LMBRD1: variants seen among roughly 807,000 people sequenced by gnomAD.
The protein encoded by LMBRD1 is LMBR1 domain containing 1, also known as lysosomal cobalamin transport escort protein LMBD1.
LMBRD1 carries 64 observed loss-of-function variants against 74.8 expected under a neutral mutation model. The observed-to-expected ratio is 0.86, with a 90% CI of 0.70 to 1.05. The LOEUF is 1.05. Ranked by LOEUF, LMBRD1 falls within the 50% of genes least tolerant of loss-of-function variation. The pLI, the probability that LMBRD1 is intolerant of heterozygous loss-of-function variation, is 0.00. For missense variants in LMBRD1, 652 were observed against 645.9 expected (o/e 1.01, Z -0.10); for synonymous variants, 204 against 216.3 (o/e 0.94, Z 0.50).
chr6:69,780,537 A>G lies in LMBRD1; in HGVS notation c.264T>C (p.Asn88=). Residue 88 remains asparagine (N), a synonymous_variant, in exon 3 of 16, where the codon AAT becomes AAC. Coordinates refer to ENST00000649934, the MANE Select transcript of LMBRD1 (RefSeq NM_018368.4). ...CAGTGTCCTCAATCTGTCTGCTGACATTAGCATTAGCCCAGTCCTAGGATA... is the reference window on the plus strand; with the variant it reads ...CAGTGTCCTCAATCTGTCTGCTGACGTTAGCATTAGCCCAGTCCTAGGATA... The part of the protein sequence containing the change: ...NGTFKDWANA[N]VSRQIEDTVL... 1.9e-6 allele frequency: 3 copies of G among 1,607,304 alleles called. No homozygotes were observed. The African/African-American group carries it at 4.0e-5, about 21-fold the overall frequency.
At chr6:69,739,805 T>C (rs1767059211) in intron 6 of LMBRD1, among the ~76,000 whole-genome samples, 1 of 152,134 alleles carries the variant, frequency 6.6e-6, no homozygotes, top group Non-Finnish European at 1.5e-5. Flanking sequence ...ATAAAGCATT[T>C]TTTTTAAAAA....
At chr6:69,697,690 C>T (rs781748129) in intron 13 of LMBRD1, 49 bp from the exon 14 acceptor site, 2 of 1,118,990 alleles carry the variant, frequency 1.8e-6, no homozygotes, top group Admixed American at 3.4e-5. Context: ...TTAATAAATA[C>T]ATTTGGATTT....
At chr6:69,786,253 A>T (rs1765942561) in intron 2 of LMBRD1, among the ~76,000 whole-genome samples, 2 of 152,304 alleles carry the variant, frequency 1.3e-5, no homozygotes, top group Middle Eastern at 3.4e-3. Flanking sequence ...AAAGAGCACA[A>T]AGTTCTAAGA....
chr6:69,780,323 C>G (rs893136783), intron 3 of LMBRD1, among the ~76,000 whole-genome samples, 171 bp downstream of exon 3: 1 of 152,018 alleles, frequency 6.6e-6, no homozygotes, highest in South Asian at 2.1e-4. Context: ...TTTCTTCCCC[C>G]TTCTTTCTTG....
intron 14 of LMBRD1, among the ~76,000 whole-genome samples, chr6:69,696,473 A>G (rs1406249424): frequency 6.6e-6 from 1 of 152,114 alleles, no homozygotes; most frequent in Non-Finnish European, 1.5e-5. Flanking sequence ...AAAGCCTTTT[A>G]TGATATGACT....
intron 3 of LMBRD1, among the ~76,000 whole-genome samples, chr6:69,777,854 GT>G (rs1314642032): frequency 1.3e-5 from 2 of 152,196 alleles, no homozygotes; most frequent in African/African-American, 4.8e-5. Context: ...TAAAAACTGT[GT>G]TTTCTGTTTG....
intron 7 of LMBRD1, among the ~76,000 whole-genome samples, chr6:69,730,235 G>T (rs1766826605): frequency 6.6e-6 from 1 of 151,852 alleles, no homozygotes; most frequent in East Asian, 1.9e-4. Context: ...AGTTTAGAAG[G>T]GCACGTTTTC....
chr6:69,731,817 T>C (rs1415207769), intron 7 of LMBRD1, among the ~76,000 whole-genome samples: 3 of 151,802 alleles, frequency 2.0e-5, no homozygotes, highest in African/African-American at 7.3e-5. Flanking sequence ...TCAAAAACCA[T>C]CTGTGTCGTA....
chr6:69,768,754 A>G (rs1433738348), intron 3 of LMBRD1, among the ~76,000 whole-genome samples: 2 of 152,058 alleles, frequency 1.3e-5, no homozygotes, highest in Admixed American at 6.6e-5. Flanking sequence ...TTCTTGTAAG[A>G]AAGGGATTCT....
intron 14 of LMBRD1, among the ~76,000 whole-genome samples, chr6:69,679,797 A>C (rs910900190): frequency 3.2e-4 from 49 of 152,166 alleles, no homozygotes; most frequent in African/African-American, 1.0e-3. Context: ...TAAAAAGGGG[A>C]TATCACCATC....
In LMBRD1 at chr6:69,700,864, G is replaced by T; in HGVS notation, c.1089C>A (p.Phe363Leu). 1 of 1,367,144 alleles carries T rather than the reference G, an allele frequency of 7.3e-7. No homozygotes were observed. The highest frequency in any genetic ancestry group is 1.0e-6 in the Non-Finnish European group (1 of 1,000,656). The allele number at this position is 1,367,144 out of a possible 1,614,324, so 84.7% of individuals were successfully genotyped here. A position where few individuals can be genotyped will look rare whatever the true frequency, so the allele number is the denominator to read the frequency against. ...TTGTTATAAGAATATAATCAAGAGG[G>T]AAAACCTGAAAAAAAAAGATGAAAT... is the stretch of plus-strand genomic sequence containing the variant. The part of the protein sequence containing the change: ...NMLLPLLQTV[F>L]PLDYILITII... Residue 363 changes from phenylalanine (F) to leucine (L), a missense_variant, in exon 12 of 16, where the codon TTC becomes TTA. Phe to Leu is a conservative substitution (Grantham distance 22, BLOSUM62 0). Around this residue, in one of 3 missense-constraint regions of LMBRD1, gnomAD observed 598 missense variants for 581.8 expected, o/e 1.03. Coordinates refer to ENST00000649934, the MANE Select transcript of LMBRD1 (RefSeq NM_018368.4).
chr6:69,779,310 GA>G (rs1371040756), intron 3 of LMBRD1, among the ~76,000 whole-genome samples: 20 of 151,254 alleles, frequency 1.3e-4, no homozygotes, highest in African/African-American at 4.9e-4. Flanking sequence ...CTTTATTGCT[GA>G]AAAAAATGAC....
intron 3 of LMBRD1, among the ~76,000 whole-genome samples, chr6:69,760,656 C>G (rs1765354953): frequency 6.6e-6 from 1 of 152,142 alleles, no homozygotes; most frequent in South Asian, 2.1e-4. Flanking sequence ...GTAATCTCAG[C>G]TTGAGTGTGG....
At chr6:69,731,262 C>T (rs1416084215) in intron 7 of LMBRD1, among the ~76,000 whole-genome samples, 1 of 152,012 alleles carries the variant, frequency 6.6e-6, no homozygotes, top group East Asian at 1.9e-4. Flanking sequence ...AGTAGGGTGA[C>T]TACAGTCAAC....
In LMBRD1 at chr6:69,773,400, C is replaced by T. The variant is rs534887767; in HGVS notation, c.307+7094G>A. Among the ~76,000 whole-genome samples the T allele has an allele frequency of 5.9e-5, 9 of 152,242 alleles. No homozygotes were observed. In the South Asian group the frequency reaches 8.3e-4, roughly 14 times the overall value. On this transcript the variant is annotated intron_variant, in intron 3 of 15. Coordinates refer to ENST00000649934, the MANE Select transcript of LMBRD1 (RefSeq NM_018368.4). ...CCAAGTTTTGAGTATTCTACTTTAA[C>T]AGCACAAAACACACTAAGATAAACC...
chr6:69,702,008 CACA>C, intron 9 of LMBRD1, 55 bp from the exon 10 acceptor site: 1 of 1,054,244 alleles, frequency 9.5e-7, no homozygotes, highest in Non-Finnish European at 1.5e-6. Context: ...ATATTAAAAG[CACA>C]AAATCATTAT....
intron 2 of LMBRD1, among the ~76,000 whole-genome samples, chr6:69,781,299 G>A (rs1765831438): frequency 6.6e-6 from 1 of 152,052 alleles, no homozygotes; most frequent in African/African-American, 2.4e-5. Flanking sequence ...ACAATGTCAA[G>A]CCTTTTTGGC....
At chr6:69,773,622 G>A (rs1362603138) in intron 3 of LMBRD1, among the ~76,000 whole-genome samples, 1 of 151,924 alleles carries the variant, frequency 6.6e-6, no homozygotes, top group Non-Finnish European at 1.5e-5. Context: ...TGTATACTTT[G>A]ACTCACTCCT....
chr6:69,731,150 C>T (rs562001377), intron 7 of LMBRD1, among the ~76,000 whole-genome samples: 6 of 151,982 alleles, frequency 3.9e-5, no homozygotes, highest in South Asian at 4.2e-4. Flanking sequence ...GAGTAGAGGC[C>T]GTTAAGGGTA....
Sources: gnomAD v4.1 joint callset for allele counts (sites outside exome capture counted in the v4.1 genomes callset) on GRCh38, gnomAD v4.1.1 for gene constraint, gnomAD v4.1.1 regional missense constraint, MANE v1.5 for transcripts, NCBI Gene and HGNC (gene_info 2026-07-23, HGNC 2026-07-21) for gene names.